NUBPL: variants seen among roughly 807,000 people sequenced by gnomAD.
NUBPL encodes the protein iron-sulfur cluster transfer protein NUBPL.
Under a neutral mutation model 45.7 loss-of-function variants are expected in NUBPL, and 31 were observed. That is an observed-to-expected ratio of 0.68 (90% CI 0.51 to 0.92). The LOEUF is 0.92. NUBPL is among the 40% of genes least tolerant of loss of function. The pLI is 0.00. For missense variants in NUBPL, 401 were observed against 398.7 expected (o/e 1.01, Z -0.05); for synonymous variants, 144 against 140.9 (o/e 1.02, Z -0.15).
chr14:31,759,969 T>G (rs1215473805), intron 6 of NUBPL, among the ~76,000 whole-genome samples: 3 of 151,456 alleles, frequency 2.0e-5, no homozygotes, highest in African/African-American at 7.3e-5. Context: ...TGACTCACAT[T>G]ATTTTCAACT....
intron 3 of NUBPL, among the ~76,000 whole-genome samples, chr14:31,587,396 G>A (rs760452551): frequency 6.6e-6 from 1 of 152,172 alleles, no homozygotes; most frequent in Non-Finnish European, 1.5e-5. Context: ...CACAGCTTTT[G>A]TGAAATGTAG....
intron 10 of NUBPL, among the ~76,000 whole-genome samples, chr14:31,857,911 A>G (rs1184975348): frequency 1.3e-5 from 2 of 152,168 alleles, no homozygotes; most frequent in East Asian, 3.9e-4. Context: ...CCAGTTCCAA[A>G]GTCACTTCCA....
chr14:31,562,413 C>T (rs2033313075), intron 2 of NUBPL, among the ~76,000 whole-genome samples, 198 bp downstream of exon 2: 1 of 152,124 alleles, frequency 6.6e-6, no homozygotes, highest in Non-Finnish European at 1.5e-5. Context: ...CCGGGTCTCC[C>T]ACCCCTTAAC....
chr14:31,673,001 G>C (rs745910091), intron 4 of NUBPL, among the ~76,000 whole-genome samples: 106 of 152,298 alleles, frequency 7.0e-4, no homozygotes, highest in Middle Eastern at 6.8e-3. Context: ...CGAAGTTTCA[G>C]TTAGACAGGG....
chr14:31,716,176 A>T (rs2037684419), intron 6 of NUBPL, among the ~76,000 whole-genome samples: 1 of 152,204 alleles, frequency 6.6e-6, no homozygotes, highest in East Asian at 1.9e-4. Context: ...TCCTATGATA[A>T]CAATGCCTTC....
At chr14:31,648,688 G>T (rs923790371) in intron 4 of NUBPL, among the ~76,000 whole-genome samples, 1 of 152,200 alleles carries the variant, frequency 6.6e-6, no homozygotes, top group Non-Finnish European at 1.5e-5. Flanking sequence ...ACATTTGGTT[G>T]TGAACGAAGG....
chr14:31,717,985 ACT>A (rs1242074821), intron 6 of NUBPL, among the ~76,000 whole-genome samples: 8 of 151,978 alleles, frequency 5.3e-5, no homozygotes, highest in African/African-American at 2.4e-5. Context: ...TATTTTGGTG[ACT>A]CTTACCCACT....
chr14:31,851,832 T>C (rs922989007), intron 10 of NUBPL, among the ~76,000 whole-genome samples: 1 of 152,236 alleles, frequency 6.6e-6, no homozygotes, highest in Non-Finnish European at 1.5e-5. Flanking sequence ...TGAATAAGAA[T>C]AATTTCTTAT....
intron 7 of NUBPL, among the ~76,000 whole-genome samples, chr14:31,819,924 A>G (rs542236554): frequency 6.6e-6 from 1 of 152,176 alleles, no homozygotes; most frequent in African/African-American, 2.4e-5. Context: ...GCGGATCACG[A>G]GGTCAGGAGA....
intron 6 of NUBPL, among the ~76,000 whole-genome samples, chr14:31,766,827 G>A (rs567701524): frequency 6.6e-6 from 1 of 152,134 alleles, no homozygotes; most frequent in Non-Finnish European, 1.5e-5. Context: ...CCCAAAAGGG[G>A]TTGTTGGCAC....
At chr14:31,813,093 A>T (rs1050445226) in intron 7 of NUBPL, among the ~76,000 whole-genome samples, 5 of 148,496 alleles carry the variant, frequency 3.4e-5, no homozygotes, top group African/African-American at 1.2e-4. Context: ...GGTTCACGCC[A>T]TTCTCGTTTC....
At chr14:31,663,955 C>T (rs562963362) in intron 4 of NUBPL, among the ~76,000 whole-genome samples, 3 of 152,270 alleles carry the variant, frequency 2.0e-5, no homozygotes, top group Admixed American at 2.0e-4. Context: ...TCCTTCACGT[C>T]CCTTGTAAGT....
chr14:31,578,113 A>G (rs560898742), intron 3 of NUBPL: 1 of 555,576 alleles, frequency 1.8e-6, no homozygotes, highest in Admixed American at 2.3e-5. Context: ...CCATAATATT[A>G]CCAAGGAATC....
At chr14:31,810,333 A>C (rs1427340913) in intron 7 of NUBPL, among the ~76,000 whole-genome samples, 2 of 152,146 alleles carry the variant, frequency 1.3e-5, no homozygotes, top group East Asian at 3.9e-4. Flanking sequence ...TAGAATAGGT[A>C]GCTCTTCTTG....
At chr14:31,756,380 C>T (rs1297280504) in intron 6 of NUBPL, among the ~76,000 whole-genome samples, 2 of 152,038 alleles carry the variant, frequency 1.3e-5, no homozygotes, top group African/African-American at 4.8e-5. Context: ...TTTCCTTGAG[C>T]AGTGGTTTGT....
intron 7 of NUBPL, among the ~76,000 whole-genome samples, chr14:31,791,519 A>G (rs1051714756): frequency 5.9e-5 from 9 of 152,158 alleles, no homozygotes; most frequent in African/African-American, 2.2e-4. Context: ...ATATTTATAT[A>G]TGGTATACAG....
chr14:31,654,487 C>A (rs997567648), intron 4 of NUBPL, among the ~76,000 whole-genome samples: 1 of 151,406 alleles, frequency 6.6e-6, no homozygotes, highest in Non-Finnish European at 1.5e-5. Flanking sequence ...CAGCTCACTG[C>A]AAGCTCCGCC....
intron 9 of NUBPL, among the ~76,000 whole-genome samples, chr14:31,847,930 A>G (rs2040479057): frequency 6.6e-6 from 1 of 152,230 alleles, no homozygotes; most frequent in African/African-American, 2.4e-5. Flanking sequence ...ACAGATTGAC[A>G]TTCGCTTATA....
At chr14:31,641,458 C>G (rs1595418627) in intron 4 of NUBPL, among the ~76,000 whole-genome samples, 3 of 152,144 alleles carry the variant, frequency 2.0e-5, no homozygotes, top group Non-Finnish European at 4.4e-5. Flanking sequence ...GCTTATTTCA[C>G]TTAATGTAAT....
Sources: gnomAD v4.1 joint callset for allele counts (sites outside exome capture counted in the v4.1 genomes callset) on GRCh38, gnomAD v4.1.1 for gene constraint, MANE v1.5 for transcripts, NCBI Gene and HGNC (gene_info 2026-07-23, HGNC 2026-07-21) for gene names.